The following CFHR5 variants were observed in gnomAD, a reference collection of about 807,000 sequenced individuals.
CFHR5 encodes complement factor H-related protein 5.
In CFHR5, 73 loss-of-function variants were observed where a neutral mutation model predicts 62.9. The observed-to-expected ratio is 1.16, with a 90% CI of 0.96 to 1.41. CFHR5 has a LOEUF of 1.41. CFHR5 is among the 40% of genes most tolerant of loss of function. The pLI, the probability that CFHR5 is intolerant of heterozygous loss-of-function variation, is 0.00. For synonymous variants in CFHR5, 249 were observed against 227.2 expected, an observed-to-expected ratio of 1.10 and a Z score of -0.86; for missense variants, 779 against 679.9, an observed-to-expected ratio of 1.15 and a Z score of -1.62.
intron 1 of CFHR5, among the ~76,000 whole-genome samples, chr1:196,981,737 G>A (rs1233250347): frequency 6.6e-6 from 1 of 151,842 alleles, no homozygotes; most frequent in African/African-American, 2.4e-5. Context: ...CTCTAAGAGA[G>A]AATGGCGTAG....
At chr1:196,976,294 G>A (rs1029238098), upstream of CFHR5, among the ~76,000 whole-genome samples, 1 of 152,128 alleles carries the variant, frequency 6.6e-6, no homozygotes, top group Non-Finnish European at 1.5e-5. Flanking sequence ...CCCATTAAAT[G>A]TTAAATTTCT....
chr1:196,989,102 A>T (rs1033968733), intron 3 of CFHR5, among the ~76,000 whole-genome samples: 3 of 151,856 alleles, frequency 2.0e-5, no homozygotes, highest in Non-Finnish European at 2.9e-5. Context: ...TCTTGGGAGG[A>T]TGTATGTGTC....
chr1:196,975,844 G>A (rs543887849), upstream of CFHR5, among the ~76,000 whole-genome samples: 1 of 152,130 alleles, frequency 6.6e-6, no homozygotes, highest in East Asian at 1.9e-4. Flanking sequence ...ATTTGCAAAG[G>A]ATTGAGGTTT....
At chr1:197,007,976 G>A (rs2125041482) in intron 9 of CFHR5, among the ~76,000 whole-genome samples, 1 of 147,102 alleles carries the variant, frequency 6.8e-6, no homozygotes, top group African/African-American at 2.5e-5. Flanking sequence ...TATGTATTAT[G>A]TATTATATAT....
chr1:197,001,104 G>A (rs1394973751), intron 7 of CFHR5, among the ~76,000 whole-genome samples: 1 of 152,072 alleles, frequency 6.6e-6, no homozygotes, highest in African/African-American at 2.4e-5. Context: ...CTTGTTAATG[G>A]TTGACTAGAA....
chr1:196,989,514 T>C (rs1215985812), intron 3 of CFHR5, among the ~76,000 whole-genome samples: 1 of 152,188 alleles, frequency 6.6e-6, no homozygotes, highest in African/African-American at 2.4e-5. Context: ...TTTAGTACTA[T>C]AAATTTCCCT....
intron 7 of CFHR5, among the ~76,000 whole-genome samples, chr1:196,999,903 A>G (rs1226031295): frequency 1.3e-5 from 2 of 150,682 alleles, no homozygotes; most frequent in East Asian, 1.9e-4. Flanking sequence ...AAAAGGAAAT[A>G]ATAAAAGTAA....
Position 196,983,950 on chromosome 1 carries a change from T to TTGTTCCTTAGGAATG in CFHR5, c.254-2_266dup, listed in dbSNP as rs781568341. 1.0e-3 allele frequency: 1,607 copies of TTGTTCCTTAGGAATG among 1,599,624 alleles called. 3 individuals are homozygous for TTGTTCCTTAGGAATG. The highest frequency in any genetic ancestry group is 3.0e-3 in the Admixed American group (179 of 59,724). On this transcript the variant is annotated splice_polypyrimidine_tract_variant and intron_variant, in intron 2 of 9. Transcript: ENST00000256785. The stretch of plus-strand genomic sequence containing the variant: ...TTCCATCTTGTACATTAATCAATTT[T>TTGTTCCTTAGGAATG]TGTTCCTTAGGAATGTGTTCCTTTC...
chr1:196,995,940 C>T, intron 5 of CFHR5, 41 bp downstream of exon 5: 1 of 1,592,378 alleles, frequency 6.3e-7, no homozygotes, highest in Non-Finnish European at 8.6e-7. Flanking sequence ...GTTACTATTA[C>T]TTTGCACTTA....
At chr1:197,002,738 A>G (rs1654187530) in intron 8 of CFHR5, 74 bp downstream of exon 8, 1 of 1,246,836 alleles carries the variant, frequency 8.0e-7, no homozygotes, top group Admixed American at 1.9e-5. Context: ...TAAAGAAAGA[A>G]ACAAGAACTT....
intron 8 of CFHR5, 102 bp downstream of exon 8, chr1:197,002,766 C>G: frequency 1.0e-6 from 1 of 965,556 alleles, no homozygotes; most frequent in Non-Finnish European, 1.6e-6. Flanking sequence ...ATCTGTTGCA[C>G]TGTACCCCAA....
chr1:197,002,163 GA>G lies in CFHR5; in HGVS notation c.1148-312del, dbSNP rs757582519. Reference sequence around the variant, plus strand: ...CTTTTTGAATCATATGGGTTAGTTAGAAAAAAATTAAAGAAATTTATTTGTA... The same window carrying G: ...CTTTTTGAATCATATGGGTTAGTTAGAAAAAATTAAAGAAATTTATTTGTA... On this transcript the variant is annotated intron_variant, in intron 7 of 9. Transcript: ENST00000256785. Among the ~76,000 whole-genome samples the G allele has an allele frequency of 6.6e-5, 10 of 151,778 alleles. No homozygotes were observed. In the East Asian group the frequency reaches 9.7e-4, roughly 15 times the overall value.
rs943902301 is a variant in CFHR5 at position 196,981,922 on chromosome 1, G to A, written c.59-963G>A. On this transcript the variant is annotated intron_variant, in intron 1 of 9. Transcript: ENST00000256785. ...TGTTTTTTCTTTTTCAGATATTTTG[G>A]ACTTGCAGTATAATAAACATTTATG... Among the ~76,000 whole-genome samples the A allele has an allele frequency of 5.4e-4, 81 of 148,700 alleles. 1 individual carries two copies. The highest frequency in any genetic ancestry group is 2.0e-3 in the African/African-American group (79 of 40,432).
At chr1:197,007,288 G>T (rs559507908) in intron 9 of CFHR5, among the ~76,000 whole-genome samples, 1 of 151,972 alleles carries the variant, frequency 6.6e-6, no homozygotes, top group South Asian at 2.1e-4. Context: ...TGAAAGAGGG[G>T]TTAAAGATAA....
intron 1 of CFHR5, among the ~76,000 whole-genome samples, chr1:196,981,283 T>C (rs1474336125): frequency 6.6e-6 from 1 of 152,044 alleles, no homozygotes; most frequent in African/African-American, 2.4e-5. Flanking sequence ...TAAAACAGCA[T>C]TCAAAGATAA....
chr1:196,999,938 C>T (rs1174019515), intron 7 of CFHR5, among the ~76,000 whole-genome samples: 1 of 150,626 alleles, frequency 6.6e-6, no homozygotes, highest in Admixed American at 6.6e-5. Context: ...GAAATAGAAC[C>T]TTGTATTTCC....
upstream of CFHR5, among the ~76,000 whole-genome samples, chr1:196,975,305 A>T (rs1019339714): frequency 1.6e-4 from 25 of 152,336 alleles, no homozygotes; most frequent in East Asian, 3.9e-4. Context: ...TAAAATGAGA[A>T]GTGAATTAGA....
intron 8 of CFHR5, among the ~76,000 whole-genome samples, chr1:197,003,725 A>T (rs1156388457): frequency 6.6e-6 from 1 of 152,144 alleles, no homozygotes; most frequent in South Asian, 2.1e-4. Context: ...ATCATGGAGG[A>T]TGAGAAACAA....
intron 3 of CFHR5, among the ~76,000 whole-genome samples, chr1:196,993,214 TTTTGTAAAACTGGG>T (rs1440820685): frequency 1.3e-5 from 2 of 152,192 alleles, no homozygotes; most frequent in African/African-American, 4.8e-5. Flanking sequence ...TTAGTTACCC[TTTTGTAAAACTGGG>T]AATAATCTGC....
Sources: gnomAD v4.1 joint callset for allele counts (sites outside exome capture counted in the v4.1 genomes callset) on GRCh38, gnomAD v4.1.1 for gene constraint, MANE v1.5 for transcripts, NCBI Gene and HGNC (gene_info 2026-07-23, HGNC 2026-07-21) for gene names.